The following KCNH7 variants were observed in gnomAD, a reference collection of about 807,000 sequenced individuals.
KCNH7 encodes voltage-gated inwardly rectifying potassium channel KCNH7.
A neutral mutation model predicts 120.8 loss-of-function variants in KCNH7; 49 were observed. The ratio of observed to expected loss-of-function variants is 0.41; its 90% CI spans 0.32 to 0.51. KCNH7 has a LOEUF of 0.51. KCNH7 is among the 20% of genes least tolerant of loss of function. The pLI is 0.38. For synonymous variants in KCNH7, 547 were observed against 516.1 expected (o/e 1.06, Z -0.81); for missense variants, 1,097 against 1,446.6 (o/e 0.76, Z 3.92).
chr2:162,505,311 C>CT (rs1558982899), intron 5 of KCNH7, among the ~76,000 whole-genome samples: 1 of 151,408 alleles, frequency 6.6e-6, no homozygotes, highest in Admixed American at 6.6e-5. Context: ...TTTTTAGATC[C>CT]TTTTTTTTCT....
intron 2 of KCNH7, among the ~76,000 whole-genome samples, chr2:162,581,461 G>A (rs986313711): frequency 7.2e-5 from 11 of 151,972 alleles, no homozygotes; most frequent in African/African-American, 2.4e-4. Context: ...TATTATATCC[G>A]TTACCAAGGT....
chr2:162,563,431 G>A (rs1487023081), intron 2 of KCNH7, among the ~76,000 whole-genome samples: 2 of 151,960 alleles, frequency 1.3e-5, no homozygotes, highest in Non-Finnish European at 2.9e-5. Flanking sequence ...CACACACAGA[G>A]GCACACACAT....
intron 2 of KCNH7, among the ~76,000 whole-genome samples, chr2:162,823,665 T>G (rs1021969979): frequency 2.3e-4 from 35 of 152,170 alleles, no homozygotes; most frequent in African/African-American, 7.0e-4. Context: ...TTTTAGTCCA[T>G]GTTTCTTGGA....
chr2:162,823,882 T>A (rs918746972), intron 2 of KCNH7, among the ~76,000 whole-genome samples: 1 of 150,318 alleles, frequency 6.7e-6, no homozygotes, highest in Non-Finnish European at 1.5e-5. Flanking sequence ...GAAAAGAAAA[T>A]TTAGATGTTA....
chr2:162,587,629 A>T (rs1288375538), intron 2 of KCNH7, among the ~76,000 whole-genome samples: 2 of 152,078 alleles, frequency 1.3e-5, no homozygotes, highest in Admixed American at 1.3e-4. Context: ...TCTGTGTTTT[A>T]TGAGTCTATT....
chr2:162,479,292 C>A (rs571603541), intron 6 of KCNH7, among the ~76,000 whole-genome samples: 23 of 150,858 alleles, frequency 1.5e-4, no homozygotes, highest in African/African-American at 5.4e-4. Context: ...CTAAAGGATA[C>A]CCTTGTGTAT....
chr2:162,440,795 T>C (rs992602985), intron 7 of KCNH7, among the ~76,000 whole-genome samples: 1 of 152,116 alleles, frequency 6.6e-6, no homozygotes, highest in African/African-American at 2.4e-5. Context: ...CATTTTATTT[T>C]TCTGCAATTT....
At chr2:162,428,349 C>T (rs1007042637) in intron 8 of KCNH7, among the ~76,000 whole-genome samples, 1 of 150,786 alleles carries the variant, frequency 6.6e-6, no homozygotes, top group Non-Finnish European at 1.5e-5. Context: ...CCTCCTTCTC[C>T]CCTTCTTTCT....
intron 2 of KCNH7, among the ~76,000 whole-genome samples, chr2:162,650,386 T>C (rs1684524648): frequency 6.6e-6 from 1 of 152,182 alleles, no homozygotes; most frequent in African/African-American, 2.4e-5. Flanking sequence ...TGTAATTCTA[T>C]AGCGAATCTT....
chr2:162,381,139 A>C (rs1005489795), intron 13 of KCNH7, among the ~76,000 whole-genome samples: 1 of 152,098 alleles, frequency 6.6e-6, no homozygotes. Flanking sequence ...AGTAGGAAGG[A>C]AGGACTATCT....
At chr2:162,596,240 T>C (rs909356897) in intron 2 of KCNH7, among the ~76,000 whole-genome samples, 6 of 152,002 alleles carry the variant, frequency 3.9e-5, no homozygotes, top group Admixed American at 2.6e-4. Context: ...AAGACCCAGA[T>C]AGCCACAGCA....
chr2:162,576,817 T>TTAGATCTGG (rs1310561487), intron 2 of KCNH7, among the ~76,000 whole-genome samples: 1 of 152,056 alleles, frequency 6.6e-6, no homozygotes, highest in Non-Finnish European at 1.5e-5. Flanking sequence ...AAGTTTTTAA[T>TTAGATCTGG]TAGATCTGGT....
intron 2 of KCNH7, among the ~76,000 whole-genome samples, chr2:162,709,138 G>A (rs183318423): frequency 2.0e-4 from 31 of 151,862 alleles, no homozygotes; most frequent in African/African-American, 6.3e-4. Flanking sequence ...AAATAGAGAC[G>A]GTATTAGTAC....
intron 2 of KCNH7, among the ~76,000 whole-genome samples, chr2:162,827,467 A>C (rs1685327809): frequency 6.6e-6 from 1 of 152,128 alleles, no homozygotes; most frequent in African/African-American, 2.4e-5. Flanking sequence ...TGCCATTTAA[A>C]ATGATGCAGA....
chr2:162,794,093 AAAAT>A (rs1466568666), intron 2 of KCNH7, among the ~76,000 whole-genome samples: 1 of 152,062 alleles, frequency 6.6e-6, no homozygotes, highest in Non-Finnish European at 1.5e-5. Context: ...AAAGCTGAAA[AAAAT>A]AAATAAAATT....
At chr2:162,490,436 A>C (rs573298526) in intron 6 of KCNH7, among the ~76,000 whole-genome samples, 4 of 152,222 alleles carry the variant, frequency 2.6e-5, no homozygotes, top group Admixed American at 2.0e-4. Context: ...AAGCCTCCGC[A>C]TGCCTACTTC....
At chr2:162,782,216 C>G (rs1683522573) in intron 2 of KCNH7, among the ~76,000 whole-genome samples, 1 of 152,082 alleles carries the variant, frequency 6.6e-6, no homozygotes, top group Non-Finnish European at 1.5e-5. Context: ...GAACTTATGT[C>G]CTAGTATGCG....
At chr2:162,569,238 T>A (rs1009853257) in intron 2 of KCNH7, among the ~76,000 whole-genome samples, 21 of 151,990 alleles carry the variant, frequency 1.4e-4, no homozygotes, top group Non-Finnish European at 1.9e-4. Context: ...AGATTCAACT[T>A]CTTCCTGGTT....
intron 2 of KCNH7, among the ~76,000 whole-genome samples, chr2:162,608,859 T>C (rs1682868288): frequency 6.6e-6 from 1 of 152,230 alleles, no homozygotes; most frequent in Non-Finnish European, 1.5e-5. Flanking sequence ...GGTTTTATAT[T>C]GCTACTTAGT....
Sources: gnomAD v4.1 joint callset for allele counts (sites outside exome capture counted in the v4.1 genomes callset) on GRCh38, gnomAD v4.1.1 for gene constraint, MANE v1.5 for transcripts, NCBI Gene and HGNC (gene_info 2026-07-23, HGNC 2026-07-21) for gene names.